ENTREP2: variants seen among roughly 807,000 people sequenced by gnomAD.
ENTREP2 encodes endosomal transmembrane epsin interactor 2, also known as protein ENTREP2.
At chr15:29,449,925 T>A in the ENTREP2 span, among the ~76,000 whole-genome samples, 1 of 152,240 alleles carries the variant, frequency 6.6e-6, no homozygotes, top group South Asian at 2.1e-4. Flanking sequence ...GTTTTTTGAC[T>A]TTTTAATAGA....
chr15:29,188,883 C>T, the ENTREP2 span, among the ~76,000 whole-genome samples: 9 of 152,170 alleles, frequency 5.9e-5, no homozygotes, highest in Non-Finnish European at 1.3e-4. Context: ...AGTCCCTGAA[C>T]GGAGGGGTTC....
At chr15:29,125,461 T>C in the ENTREP2 span, among the ~76,000 whole-genome samples, 1 of 152,144 alleles carries the variant, frequency 6.6e-6, no homozygotes, top group African/African-American at 2.4e-5. Context: ...CTGCGGGCTC[T>C]GGTTCCTTTC....
chr15:29,342,841 C>T, the ENTREP2 span, among the ~76,000 whole-genome samples: 1 of 152,148 alleles, frequency 6.6e-6, no homozygotes, highest in Non-Finnish European at 1.5e-5. Flanking sequence ...TTCTAGAATG[C>T]AGGAACTATT....
the ENTREP2 span, among the ~76,000 whole-genome samples, chr15:29,596,673 T>G: frequency 6.6e-6 from 1 of 152,150 alleles, no homozygotes; most frequent in Admixed American, 6.5e-5. Context: ...ATTTTTATTT[T>G]TTTATTTTTT....
At chr15:29,140,966 C>T in the ENTREP2 span, among the ~76,000 whole-genome samples, 5 of 152,332 alleles carry the variant, frequency 3.3e-5, no homozygotes, top group South Asian at 2.1e-4. Flanking sequence ...GGGCTGTCCC[C>T]GCACAACAGG....
chr15:29,146,850 G>A, the ENTREP2 span, among the ~76,000 whole-genome samples: 1 of 152,006 alleles, frequency 6.6e-6, no homozygotes, highest in African/African-American at 2.4e-5. Context: ...CAGGAGAATT[G>A]CTTGAACCTG....
chr15:29,398,771 G>T, the ENTREP2 span, among the ~76,000 whole-genome samples: 1 of 151,944 alleles, frequency 6.6e-6, no homozygotes, highest in Non-Finnish European at 1.5e-5. Context: ...TACTCGTGTG[G>T]TATGCAGAAT....
chr15:29,634,900 T>TCC, the ENTREP2 span, among the ~76,000 whole-genome samples: 1 of 152,106 alleles, frequency 6.6e-6, no homozygotes, highest in African/African-American at 2.4e-5. Context: ...TTCTACGCCC[T>TCC]CCCCAGGGAC....
At chr15:29,305,396 G>A in the ENTREP2 span, among the ~76,000 whole-genome samples, 1 of 152,188 alleles carries the variant, frequency 6.6e-6, no homozygotes, top group South Asian at 2.1e-4. Context: ...GCTTCTGTGT[G>A]GTGCACAGGA....
the ENTREP2 span, among the ~76,000 whole-genome samples, chr15:29,498,315 G>A: frequency 6.6e-6 from 1 of 152,002 alleles, no homozygotes. Context: ...TATACCCAAA[G>A]TTTTGGTACA....
At chr15:29,253,452 CT>C in the ENTREP2 span, among the ~76,000 whole-genome samples, 301 of 142,618 alleles carry the variant, frequency 2.1e-3, no homozygotes, top group African/African-American at 5.9e-3. Context: ...GTCTCTCTCT[CT>C]TTTTTTTTTT....
the ENTREP2 span, among the ~76,000 whole-genome samples, chr15:29,651,987 AT>A: frequency 1.3e-5 from 2 of 152,108 alleles, no homozygotes; most frequent in African/African-American, 4.8e-5. Context: ...AGTCCTGTGG[AT>A]TGGAGGGGGA....
At chr15:29,227,927 C>G in the ENTREP2 span, among the ~76,000 whole-genome samples, 1 of 152,060 alleles carries the variant, frequency 6.6e-6, no homozygotes, top group Admixed American at 6.5e-5. Flanking sequence ...CAGAAGTCAA[C>G]AGGATTGAGA....
chr15:29,330,083 TG>T, the ENTREP2 span, among the ~76,000 whole-genome samples: 3 of 152,174 alleles, frequency 2.0e-5, no homozygotes, highest in African/African-American at 7.2e-5. Context: ...CCTGGCTAGG[TG>T]ATCAAGTCAA....
chr15:29,487,050 C>T, the ENTREP2 span, among the ~76,000 whole-genome samples: 1 of 152,082 alleles, frequency 6.6e-6, no homozygotes, highest in Admixed American at 6.6e-5. Context: ...TTTCAATGTT[C>T]ACAACACAAA....
the ENTREP2 span, among the ~76,000 whole-genome samples, chr15:29,645,119 A>G: frequency 1.9e-4 from 29 of 152,202 alleles, 1 homozygote; most frequent in Admixed American, 1.3e-4. Flanking sequence ...AATACACACT[A>G]TAGCAGGACA....
chr15:29,234,072 C>T, the ENTREP2 span: 1 of 1,483,554 alleles, frequency 6.7e-7, no homozygotes, highest in Non-Finnish European at 9.4e-7. Context: ...ACCTCACTTG[C>T]TTCTTCGAAC....
chr15:29,227,361 GGGGATCT>G, the ENTREP2 span, among the ~76,000 whole-genome samples: 1 of 152,212 alleles, frequency 6.6e-6, no homozygotes, highest in Non-Finnish European at 1.5e-5. Context: ...TTGAGCATCT[GGGGATCT>G]GTGCCCTGTG....
At chr15:29,271,381 G>A in the ENTREP2 span, among the ~76,000 whole-genome samples, 3 of 152,184 alleles carry the variant, frequency 2.0e-5, no homozygotes, top group African/African-American at 7.2e-5. Context: ...GTTGTATTGA[G>A]GGAATAGAGA....
Sources: allele counts gnomAD v4.1 joint callset (sites outside exome capture counted in the v4.1 genomes callset), GRCh38; gene constraint gnomAD v4.1.1; transcripts MANE v1.5; gene names NCBI Gene and HGNC (gene_info 2026-07-23, HGNC 2026-07-21).